ERCC6L2: variants seen among roughly 807,000 people sequenced by gnomAD.
ERCC6L2 encodes the protein ERCC excision repair 6 like 2.
A neutral mutation model predicts 132.0 loss-of-function variants in ERCC6L2; 77 were observed. That is an observed-to-expected ratio of 0.58 (90% CI 0.49 to 0.71). The LOEUF is 0.71. ERCC6L2 is among the 30% of genes least tolerant of loss of function. The pLI is 0.00. For synonymous variants in ERCC6L2, 583 were observed against 632.4 expected, an observed-to-expected ratio of 0.92 and a Z score of 1.17; for missense variants, 1,542 against 1,837.6, an observed-to-expected ratio of 0.84 and a Z score of 2.94.
At chr9:96,031,246 G>A (rs1419928514) in intron 19 of ERCC6L2, among the ~76,000 whole-genome samples, 4 of 152,212 alleles carry the variant, frequency 2.6e-5, no homozygotes, top group Non-Finnish European at 5.9e-5. Flanking sequence ...CAGACAGGGT[G>A]AAGTGGTGTG....
chr9:95,973,818 A>G (rs988982849), intron 16 of ERCC6L2, among the ~76,000 whole-genome samples: 1 of 152,162 alleles, frequency 6.6e-6, no homozygotes, highest in African/African-American at 2.4e-5. Flanking sequence ...AAAATATTAT[A>G]TAGTCTTTTT....
intron 9 of ERCC6L2, among the ~76,000 whole-genome samples, chr9:95,924,095 T>G (rs1352742134): frequency 6.6e-6 from 1 of 152,224 alleles, no homozygotes; most frequent in Non-Finnish European, 1.5e-5. Context: ...TATTTGTAGA[T>G]TCACAGATTT....
chr9:95,895,728 C>CTTTT (rs10711041), intron 2 of ERCC6L2, among the ~76,000 whole-genome samples: 5 of 135,048 alleles, frequency 3.7e-5, no homozygotes, highest in East Asian at 2.1e-4. Context: ...GTTGTCATAG[C>CTTTT]TTTTTTTTTT....
At chr9:95,936,527 C>T (rs1399964982) in intron 11 of ERCC6L2, among the ~76,000 whole-genome samples, 1 of 152,106 alleles carries the variant, frequency 6.6e-6, no homozygotes, top group Non-Finnish European at 1.5e-5. Context: ...TGTGTTAAGG[C>T]CATATGGATG....
chr9:96,031,420 G>A (rs1209248254), intron 19 of ERCC6L2, among the ~76,000 whole-genome samples: 1 of 152,188 alleles, frequency 6.6e-6, no homozygotes, highest in Non-Finnish European at 1.5e-5. Context: ...TGTGCTAGGG[G>A]CCTTGAGGCC....
chr9:95,969,326 C>T (rs1832307596), intron 14 of ERCC6L2, among the ~76,000 whole-genome samples: 1 of 152,096 alleles, frequency 6.6e-6, no homozygotes. Flanking sequence ...TATAGAAGTA[C>T]AAGGACAGAA....
chr9:95,951,188 T>C (rs1831315093), intron 12 of ERCC6L2, among the ~76,000 whole-genome samples: 2 of 152,144 alleles, frequency 1.3e-5, no homozygotes, highest in South Asian at 2.1e-4. Context: ...AATTCACAAA[T>C]ATGTAGAAGT....
chr9:95,922,394 A>G lies in ERCC6L2; in HGVS notation c.1389A>G (p.Gln463=). The G allele has an allele frequency of 6.2e-7, 1 of 1,610,608 alleles. No individual in the cohort carries two copies. The highest frequency in any genetic ancestry group is 1.3e-5 in the African/African-American group (1 of 74,976). ...TAGCTAACCATGTCGCGCTACTGCA[A>G]GCTGCTAGTACTTCCAAACAACAGG... ...QKVANHVALL[Q]AASTSKQQET... The change falls in exon 8 of 19, where the codon CAA becomes CAG. Residue 463 remains glutamine (Q), a synonymous_variant. Transcript: ENST00000653738.
rs1306031739 is a variant in ERCC6L2 at position 96,014,870 on chromosome 9, T to C, written c.*1667T>C. Among the ~76,000 whole-genome samples the C allele has an allele frequency of 6.6e-6, 1 of 152,204 alleles. No homozygotes were observed. The highest frequency in any genetic ancestry group is 1.9e-4 in the East Asian group (1 of 5,196). The stretch of plus-strand genomic sequence containing the variant: ...ACTTGTAGATGTTTTCAGCCTACAA[T>C]GTGATCAGCTATCTGAGGAACTCCA... On this transcript the variant is annotated 3_prime_UTR_variant, in exon 19 of 19. Transcript: ENST00000653738.
At chr9:95,879,037 G>C (rs953444915) in intron 1 of ERCC6L2, among the ~76,000 whole-genome samples, 2 of 151,850 alleles carry the variant, frequency 1.3e-5, no homozygotes, top group Non-Finnish European at 2.9e-5. Flanking sequence ...GGATGGCTGG[G>C]TCAAATGGTA....
At chr9:95,981,452 C>T (rs1320057943) in intron 17 of ERCC6L2, among the ~76,000 whole-genome samples, 2 of 152,118 alleles carry the variant, frequency 1.3e-5, no homozygotes, top group African/African-American at 2.4e-5. Flanking sequence ...TTCTGTCTCT[C>T]CTAACATAAA....
chr9:95,957,408 ATT>A (rs34977945), intron 13 of ERCC6L2, among the ~76,000 whole-genome samples: 24,847 of 136,794 alleles, frequency 0.18, 2,074 homozygotes, highest in South Asian at 0.29. Flanking sequence ...TAAACAGTTC[ATT>A]TTTTTTTTTT....
chr9:96,028,615 A>G (rs1256961481), intron 19 of ERCC6L2, among the ~76,000 whole-genome samples: 1 of 152,160 alleles, frequency 6.6e-6, no homozygotes, highest in Admixed American at 6.5e-5. Context: ...GGCGTCCCTA[A>G]TAAAGCCTGG....
At chr9:95,907,857 C>CACACAAACACACA in intron 4 of ERCC6L2, among the ~76,000 whole-genome samples, 6 of 133,740 alleles carry the variant, frequency 4.5e-5, no homozygotes. Context: ...ACACACACAC[C>CACACAAACACACA]CCCACACCCA....
At chr9:95,995,905 C>T (rs995476876) in intron 17 of ERCC6L2, among the ~76,000 whole-genome samples, 4 of 152,300 alleles carry the variant, frequency 2.6e-5, no homozygotes, top group African/African-American at 9.6e-5. Context: ...TTAGACCTCC[C>T]CATTCCCTGA....
intron 17 of ERCC6L2, among the ~76,000 whole-genome samples, chr9:95,986,386 T>C (rs1257390966): frequency 1.3e-5 from 2 of 152,166 alleles, no homozygotes; most frequent in Non-Finnish European, 2.9e-5. Context: ...TTTTAGTCCT[T>C]AGGTCTTTTG....
chr9:95,996,026 C>T (rs1054124577), intron 17 of ERCC6L2, among the ~76,000 whole-genome samples: 5 of 152,176 alleles, frequency 3.3e-5, no homozygotes, highest in Admixed American at 6.5e-5. Flanking sequence ...GAAATGATGA[C>T]GCTTCATTAG....
intron 16 of ERCC6L2, among the ~76,000 whole-genome samples, chr9:95,974,720 ATTTG>A (rs1311272304): frequency 1.9e-5 from 2 of 106,032 alleles, no homozygotes; most frequent in Admixed American, 2.0e-4. Flanking sequence ...CAGTGGCCAG[ATTTG>A]TGTGTGTGTG....
chr9:95,922,009 C>A (rs1829889480), intron 7 of ERCC6L2, among the ~76,000 whole-genome samples: 1 of 152,124 alleles, frequency 6.6e-6, no homozygotes, highest in Non-Finnish European at 1.5e-5. Flanking sequence ...GATTTTGTTA[C>A]CAGGCACCTC....
Sources: allele counts gnomAD v4.1 joint callset (sites outside exome capture counted in the v4.1 genomes callset), GRCh38; gene constraint gnomAD v4.1.1; transcripts MANE v1.5; gene names NCBI Gene and HGNC (gene_info 2026-07-23, HGNC 2026-07-21).